FAM20A: variants seen among roughly 807,000 people sequenced by gnomAD.
FAM20A encodes the protein pseudokinase FAM20A.
FAM20A carries 42 observed loss-of-function variants against 52.0 expected under a neutral mutation model. The observed-to-expected ratio is 0.81, with a 90% CI of 0.63 to 1.04. The LOEUF is 1.04. Among genes scored for constraint, FAM20A ranks in the 50% least tolerant of loss-of-function variants. The pLI, the probability that FAM20A is intolerant of heterozygous loss-of-function variation, is 0.00. For missense variants in FAM20A, 742 were observed against 712.7 expected (o/e 1.04, Z -0.47); for synonymous variants, 304 against 298.9 (o/e 1.02, Z -0.18).
Position 68,540,951 on chromosome 17 carries a change from C to G in FAM20A, c.1117G>C (p.Val373Leu). 6.3e-7 allele frequency: 1 copy of G among 1,588,418 alleles called. No individual in the cohort carries two copies. The highest frequency in any genetic ancestry group is 8.6e-7 in the Non-Finnish European group (1 of 1,166,098). The change falls in exon 8 of 11, where the codon GTC becomes CTC. Residue 373 changes from valine (V) to leucine (L), a missense_variant. Physicochemically the swap from Val to Leu is conservative, Grantham distance 32 (BLOSUM62 1). Transcript: ENST00000592554. Reference sequence around the variant, plus strand: ...ACTGTGTCACAGTAAAGGGGATTGACCTCCCACCTGAGGGGGAGAAGAAGT... The same window carrying G: ...ACTGTGTCACAGTAAAGGGGATTGAGCTCCCACCTGAGGGGGAGAAGAAGT... Reference protein sequence around the residue: ...YTLAGKEEWEVNPLYCDTVKQ... With the variant: ...YTLAGKEEWELNPLYCDTVKQ...
At position 68,539,895 on chromosome 17, in the gene FAM20A, T is replaced by G. The variant is rs1270604552; in HGVS notation, c.1291A>C (p.Asn431His). 6.2e-7 allele frequency: 1 copy of G among 1,614,164 alleles called. No individual in the cohort carries two copies. Among genetic ancestry groups the G allele is most frequent in the Non-Finnish European group, 8.5e-7 (1 of 1,180,008 alleles). Residue 431 changes from asparagine (N) to histidine (H), a missense_variant, in exon 9 of 11, where the codon AAC becomes CAC. Transcript: ENST00000592554. ...CGTGGGGAAGCTCACCCTCTGGCGT[T>G]GTCAAGGTGAATAAGGAACCCATCA... The part of the protein sequence containing the change: ...GDDGFLIHLD[N>H]ARGFGRHSHD...
intron 4 of FAM20A, chr17:68,551,157 C>T: frequency 8.1e-7 from 1 of 1,228,816 alleles, no homozygotes; most frequent in Non-Finnish European, 1.0e-6. Flanking sequence ...AGACCCTAAC[C>T]TGTGGGCTGC....
chr17:68,549,283 T>C (rs539263787), intron 4 of FAM20A, among the ~76,000 whole-genome samples: 1 of 152,170 alleles, frequency 6.6e-6, no homozygotes, highest in African/African-American at 2.4e-5. Context: ...TCGCCTGAGG[T>C]CAGGAGTTCA....
rs146809464 is a variant in FAM20A, at chr17:68,555,681, C to T, written c.467G>A (p.Arg156Gln). The T allele has an allele frequency of 4.6e-4, 739 of 1,613,746 alleles. 1 individual carries two copies. Among genetic ancestry groups the T allele is most frequent in the Non-Finnish European group, 5.7e-4 (674 of 1,180,026 alleles). ...GAACTGGACCCAGCTGGCCTCGAGT[C>T]GGAGCTGCAGTGGGGGGTCCAGGGA... ...LTSLDPPLQL[R>Q]LEASWVQFHL... Residue 156 changes from arginine to glutamine, a missense_variant, in exon 2 of 11, where the codon CGA becomes CAA. Transcript: ENST00000592554.
chr17:68,591,511 T>C (rs1265157007), intron 1 of FAM20A, among the ~76,000 whole-genome samples: 1 of 152,182 alleles, frequency 6.6e-6, no homozygotes, highest in Non-Finnish European at 1.5e-5. Context: ...TGGGTTTCTG[T>C]CACATGAAAC....
At chr17:68,555,522 AAGTC>A (rs2087024727) in intron 2 of FAM20A, 33 bp downstream of exon 2, 1 of 1,607,064 alleles carries the variant, frequency 6.2e-7, no homozygotes, top group African/African-American at 1.3e-5. Context: ...CTCTGGGAGA[AAGTC>A]AGTCCCCCCT....
At chr17:68,546,656 C>T (rs2086579948) in intron 4 of FAM20A, among the ~76,000 whole-genome samples, 1 of 152,032 alleles carries the variant, frequency 6.6e-6, no homozygotes, top group South Asian at 2.1e-4. Context: ...CGGTGAAACC[C>T]TGTCTCTACT....
intron 4 of FAM20A, among the ~76,000 whole-genome samples, chr17:68,546,516 C>T (rs987464882): frequency 6.6e-6 from 1 of 152,038 alleles, no homozygotes; most frequent in Non-Finnish European, 1.5e-5. Context: ...CAGCTATAGC[C>T]TTATGAAATG....
At position 68,537,427 on chromosome 17, in the gene FAM20A, C is replaced by A; in HGVS notation, c.*50G>T. On this transcript the variant is annotated 3_prime_UTR_variant, in exon 11 of 11. Transcript: ENST00000592554. The surrounding 1 kb of genome is among the most constrained non-coding windows in gnomAD (Gnocchi z 4.2). ...GAGGACGCAGGGTCGGCACTCGAGT[C>A]GACTGCTCTGGCTCCAGGCGTATTT... 1 of 1,612,434 alleles carries A rather than the reference C, an allele frequency of 6.2e-7. No individual in the cohort carries two copies.
At chr17:68,599,329 G>T (rs1417523418) in intron 1 of FAM20A, among the ~76,000 whole-genome samples, 1 of 152,162 alleles carries the variant, frequency 6.6e-6, no homozygotes, top group African/African-American at 2.4e-5. Flanking sequence ...ATTTAGACAA[G>T]TTCTGTACTT....
intron 1 of FAM20A, among the ~76,000 whole-genome samples, chr17:68,578,045 A>T (rs1181389208): frequency 6.6e-6 from 1 of 152,132 alleles, no homozygotes; most frequent in Non-Finnish European, 1.5e-5. Context: ...AGCAAGTGAC[A>T]TTGGATAGAC....
Position 68,539,295 on chromosome 17 carries a change from C to T in FAM20A, c.1361+42G>A, listed in dbSNP as rs1342325390. On this transcript the variant is annotated intron_variant, in intron 10 of 10. Transcript: ENST00000592554. ...TGGCTGCAAGCAGCATGAAGGGTCA[C>T]AACTGTTACTTGCCCGTATTATCTG... 4.4e-6 allele frequency: 7 copies of T among 1,607,652 alleles called. No individual in the cohort carries two copies. The East Asian group carries it at 1.3e-4, about 31-fold the overall frequency.
intron 1 of FAM20A, among the ~76,000 whole-genome samples, chr17:68,596,904 G>T (rs1264926974): frequency 6.6e-6 from 1 of 152,184 alleles, no homozygotes; most frequent in African/African-American, 2.4e-5. Context: ...AACAGTGAGT[G>T]AAGGAGGTTT....
intron 1 of FAM20A, among the ~76,000 whole-genome samples, chr17:68,563,402 A>G (rs1307105600): frequency 2.0e-5 from 3 of 147,812 alleles, no homozygotes; most frequent in East Asian, 3.9e-4. Context: ...AAAAAAAAAA[A>G]AAAGAAAGAT....
chr17:68,551,800 T>G, intron 4 of FAM20A, 73 bp downstream of exon 4: 1 of 1,059,238 alleles, frequency 9.4e-7, no homozygotes, highest in Non-Finnish European at 1.4e-6. Flanking sequence ...TAGGTCACTT[T>G]TATTAGTTTT....
chr17:68,542,175 G>GAGAGGA lies in FAM20A; in HGVS notation c.929-11_929-10insTCCTCT. 6.2e-7 allele frequency: 1 copy of GAGAGGA among 1,613,368 alleles called. No individual in the cohort carries two copies. Among genetic ancestry groups the GAGAGGA allele is most frequent in the Non-Finnish European group, 8.5e-7 (1 of 1,179,646 alleles). The stretch of plus-strand genomic sequence containing the variant: ...AAGCACACGTTGCTCGCTGGAGGAT[G>GAGAGGA]GGGAGGAGAGAGGAGGAGTAAGTGG... On this transcript the variant is annotated splice_polypyrimidine_tract_variant and intron_variant, in intron 6 of 10. Coordinates refer to ENST00000592554, the MANE Select transcript of FAM20A (RefSeq NM_017565.4).
intron 1 of FAM20A, among the ~76,000 whole-genome samples, chr17:68,578,090 T>C (rs1490031927): frequency 6.6e-6 from 1 of 152,048 alleles, no homozygotes; most frequent in East Asian, 1.9e-4. Context: ...TTTTCCTGAA[T>C]GCAAAAAGAA....
At chr17:68,581,355 TTTC>T (rs1216832432) in intron 1 of FAM20A, among the ~76,000 whole-genome samples, 1 of 87,442 alleles carries the variant, frequency 1.1e-5, no homozygotes, top group Non-Finnish European at 2.6e-5. Context: ...GCAGTTTTTC[TTTC>T]TTTCTTTCTT....
At chr17:68,538,247 TTTTATG>T (rs1424739089) in intron 10 of FAM20A, among the ~76,000 whole-genome samples, 2 of 152,218 alleles carry the variant, frequency 1.3e-5, no homozygotes, top group African/African-American at 2.4e-5. Flanking sequence ...TTCAGTTTCT[TTTTATG>T]TGGGAATCTG....
Sources: gnomAD v4.1 joint callset for allele counts (sites outside exome capture counted in the v4.1 genomes callset) on GRCh38, gnomAD v4.1.1 for gene constraint, Gnocchi (gnomAD v3.1) non-coding constraint, MANE v1.5 for transcripts, NCBI Gene and HGNC (gene_info 2026-07-23, HGNC 2026-07-21) for gene names.